Variants in ZC3HAV1 observed in about 807,000 individuals in gnomAD.
ZC3HAV1 encodes zinc finger CCCH-type antiviral protein 1.
ZC3HAV1 carries 41 observed loss-of-function variants against 86.6 expected under a neutral mutation model. That is an observed-to-expected ratio of 0.47 (90% CI 0.37 to 0.61). The LOEUF is 0.61. ZC3HAV1 is among the 20% of genes least tolerant of loss of function. The probability of loss-of-function intolerance (pLI) is 0.00; values close to 1 mark genes in which losing one functional copy is unlikely to be tolerated. For synonymous variants in ZC3HAV1, 421 were observed against 432.1 expected (o/e 0.97, Z 0.32); for missense variants, 964 against 1,141.1 (o/e 0.84, Z 2.24).
In ZC3HAV1 at chr7:139,046,373, T is replaced by C. The variant is rs1183261230; in HGVS notation, c.*1221A>G. 6.6e-6 allele frequency: 1 copy of C among 152,202 alleles called. No individual in the cohort carries two copies. Among genetic ancestry groups the C allele is most frequent in the African/African-American group, 2.4e-5 (1 of 41,454 alleles). 9.4% of individuals were successfully genotyped at this position (152,202 alleles called of 1,614,324 possible). ...CTTGGCTCACTTGCCAAGACTACAATAGCACTCGCGTTTATCAGTTATGCT... is the reference window on the plus strand; with the variant it reads ...CTTGGCTCACTTGCCAAGACTACAACAGCACTCGCGTTTATCAGTTATGCT... On this transcript the variant is annotated 3_prime_UTR_variant, in exon 13 of 13. Coordinates refer to ENST00000242351, the MANE Select transcript of ZC3HAV1 (RefSeq NM_020119.4).
chr7:139,070,140 T>C (rs1314146614), intron 7 of ZC3HAV1, among the ~76,000 whole-genome samples: 1 of 152,094 alleles, frequency 6.6e-6, no homozygotes, highest in Non-Finnish European at 1.5e-5. Context: ...ATTTATATAA[T>C]GATGGGTCTT....
chr7:139,102,938 ATATATGTATATGTATATG>A (rs57404294), intron 1 of ZC3HAV1, among the ~76,000 whole-genome samples: 2 of 146,656 alleles, frequency 1.4e-5, no homozygotes, highest in African/African-American at 5.1e-5. Flanking sequence ...AAAAGTATAT[ATATATGTATATGTATATG>A]TATATGTATA....
intron 1 of ZC3HAV1, among the ~76,000 whole-genome samples, chr7:139,107,347 A>G (rs1289048926): frequency 6.6e-6 from 1 of 152,260 alleles, no homozygotes; most frequent in East Asian, 1.9e-4. Context: ...AGCACTTTTT[A>G]AAAACGTTAG....
chr7:139,084,740 G>C (rs2130712797), intron 2 of ZC3HAV1, among the ~76,000 whole-genome samples: 1 of 152,340 alleles, frequency 6.6e-6, no homozygotes, highest in Non-Finnish European at 1.5e-5. Context: ...AAGTTGTTAA[G>C]CAGACTAAAT....
intron 4 of ZC3HAV1, chr7:139,079,173 GC>G: frequency 3.9e-6 from 6 of 1,536,188 alleles, no homozygotes; most frequent in Non-Finnish European, 5.2e-6. Context: ...GTGCAGTTCT[GC>G]CCTTGGGCCC....
At chr7:139,088,023 T>C in intron 2 of ZC3HAV1, among the ~76,000 whole-genome samples, 1 of 98,738 alleles carries the variant, frequency 1.0e-5, no homozygotes, top group Admixed American at 1.5e-4. Context: ...CAGAGCAAGA[T>C]CCTGTCTCAA....
At chr7:139,088,054 A>C (rs1817325099) in intron 2 of ZC3HAV1, among the ~76,000 whole-genome samples, 1 of 144,166 alleles carries the variant, frequency 6.9e-6, no homozygotes, top group Admixed American at 7.0e-5. Context: ...AAAAAAAAAA[A>C]AGAAAAAAGA....
At position 139,099,842 on chromosome 7, in the gene ZC3HAV1, G is replaced by A. The variant is rs181633530; in HGVS notation, c.308+9182C>T. Among the ~76,000 whole-genome samples the A allele has an allele frequency of 1.6e-4, 24 of 151,988 alleles. No homozygotes were observed. In the East Asian group the frequency reaches 3.3e-3, roughly 21 times the overall value. ...CTTGGGAGGCTGAGGCAAGAGAATCGCTTGAACCCAGGAGGCGGAGGTTGC... is the reference window on the plus strand; with the variant it reads ...CTTGGGAGGCTGAGGCAAGAGAATCACTTGAACCCAGGAGGCGGAGGTTGC... On this transcript the variant is annotated intron_variant, in intron 1 of 12. Transcript: ENST00000242351.
intron 9 of ZC3HAV1, among the ~76,000 whole-genome samples, chr7:139,057,615 T>C (rs1310272912): frequency 4.5e-5 from 1 of 22,288 alleles, no homozygotes; most frequent in African/African-American, 2.7e-4. Flanking sequence ...CTCGGCTCAC[T>C]GCAAGCTCCG....
chr7:139,072,483 AGCCCAT>A (rs1337884363), intron 7 of ZC3HAV1, among the ~76,000 whole-genome samples: 19 of 152,056 alleles, frequency 1.2e-4, no homozygotes, highest in African/African-American at 3.4e-4. Context: ...CACCGCACCC[AGCCCAT>A]GCATTATTTT....
chr7:139,101,546 C>G, intron 1 of ZC3HAV1, among the ~76,000 whole-genome samples: 1 of 123,238 alleles, frequency 8.1e-6, no homozygotes, highest in Non-Finnish European at 1.7e-5. Context: ...GCCATGATGA[C>G]GATGGCGGTT....
At position 139,056,950 on chromosome 7, in the gene ZC3HAV1, T is replaced by C. The variant is rs942907938; in HGVS notation, c.2097-1655A>G. Among the ~76,000 whole-genome samples the C allele has an allele frequency of 3.9e-5, 6 of 152,200 alleles. No individual in the cohort carries two copies. In the East Asian group the frequency reaches 7.7e-4, roughly 20 times the overall value. On this transcript the variant is annotated intron_variant, in intron 9 of 12. Transcript: ENST00000242351. ...AACTTTGTTACATAGGTTAATGATATTGTATTATGTTTTTTAAAACCTCTT... is the reference window on the plus strand; with the variant it reads ...AACTTTGTTACATAGGTTAATGATACTGTATTATGTTTTTTAAAACCTCTT...
chr7:139,065,227 G>A (rs902272836), intron 7 of ZC3HAV1, among the ~76,000 whole-genome samples: 1 of 152,132 alleles, frequency 6.6e-6, no homozygotes, highest in African/African-American at 2.4e-5. Context: ...ACACACTTGG[G>A]GGAGGCCTGA....
chr7:139,065,822 T>C (rs1816584477), intron 7 of ZC3HAV1, among the ~76,000 whole-genome samples: 1 of 151,988 alleles, frequency 6.6e-6, no homozygotes, highest in African/African-American at 2.4e-5. Context: ...GAGAATCGCT[T>C]AAACTCGGGG....
intron 1 of ZC3HAV1, among the ~76,000 whole-genome samples, chr7:139,090,167 C>T (rs1022521686): frequency 7.9e-5 from 12 of 152,180 alleles, no homozygotes; most frequent in Admixed American, 5.9e-4. Flanking sequence ...GTGATCCATC[C>T]GCCTCAGCCT....
intron 1 of ZC3HAV1, among the ~76,000 whole-genome samples, chr7:139,096,045 A>G (rs145783362): frequency 6.6e-6 from 1 of 152,204 alleles, no homozygotes; most frequent in East Asian, 1.9e-4. Flanking sequence ...ACGGAGTTCC[A>G]GTCTTGTTGC....
chr7:139,047,900 T>C (rs1215887576), intron 12 of ZC3HAV1, 47 bp from the exon 13 acceptor site: 2 of 1,565,878 alleles, frequency 1.3e-6, no homozygotes, highest in Non-Finnish European at 1.7e-6. Context: ...TAAAAGAAGG[T>C]ATACAGTTTA....
intron 12 of ZC3HAV1, chr7:139,049,567 T>C (rs1816064478): frequency 1.3e-5 from 2 of 152,452 alleles, no homozygotes; most frequent in Non-Finnish European, 2.9e-5. Context: ...AGGAAGATTG[T>C]CTCTATGTGG....
chr7:139,065,110 C>G (rs1816559656), intron 7 of ZC3HAV1, 111 bp from the exon 8 acceptor site: 1 of 1,429,950 alleles, frequency 7.0e-7, no homozygotes, highest in Non-Finnish European at 9.4e-7. Flanking sequence ...ATTTTGCTTC[C>G]CAAACCAGAT....
Sources: gnomAD v4.1 joint callset for allele counts (sites outside exome capture counted in the v4.1 genomes callset) on GRCh38, gnomAD v4.1.1 for gene constraint, MANE v1.5 for transcripts, NCBI Gene and HGNC (gene_info 2026-07-23, HGNC 2026-07-21) for gene names.